The following RAE1 variants were observed in gnomAD, a reference collection of about 807,000 sequenced individuals.
RAE1 encodes the protein mRNA export factor RAE1.
RAE1 carries 13 observed loss-of-function variants against 52.7 expected under a neutral mutation model. That is an observed-to-expected ratio of 0.25 (90% confidence interval 0.16 to 0.39). The LOEUF (loss-of-function observed/expected upper bound fraction) is 0.39, where lower values mean the gene tolerates loss of function less well. RAE1 is among the 10% of genes least tolerant of loss of function. The pLI, the probability that RAE1 is intolerant of heterozygous loss-of-function variation, is 1.00. For missense variants in RAE1, 262 were observed against 459.8 expected (o/e 0.57, Z 3.93); for synonymous variants, 164 against 153.1 (o/e 1.07, Z -0.52).
chr20:57,361,987 AG>A (rs907678154), intron 4 of RAE1, among the ~76,000 whole-genome samples: 2 of 152,194 alleles, frequency 1.3e-5, no homozygotes, highest in African/African-American at 4.8e-5. Flanking sequence ...AGATTGTCAC[AG>A]GAGCTCGAAC....
At chr20:57,366,520 A>G (rs909520488) in intron 5 of RAE1, among the ~76,000 whole-genome samples, 3 of 152,134 alleles carry the variant, frequency 2.0e-5, no homozygotes, top group South Asian at 2.1e-4. Flanking sequence ...AGAACTCACT[A>G]TTGTGAGGAC....
Position 57,351,405 on chromosome 20 carries a change from C to T in RAE1, c.-25C>T, listed in dbSNP as rs992475098. 5.2e-5 allele frequency: 51 copies of T among 985,416 alleles called. No individual in the cohort carries two copies. Among genetic ancestry groups the T allele is most frequent in the South Asian group, 9.4e-5 (2 of 21,300 alleles). The allele number at this position is 985,416 out of a possible 1,614,324, so 61.0% of individuals were successfully genotyped here. Reference sequence around the variant, plus strand: ...TTCTGCTCCCGGCCGCCGCTTTCCGCCGGGGCGAGACCCCCAGGTAGGCCC... The same window carrying T: ...TTCTGCTCCCGGCCGCCGCTTTCCGTCGGGGCGAGACCCCCAGGTAGGCCC... On this transcript the variant is annotated 5_prime_UTR_variant, in exon 1 of 12. Transcript: ENST00000395841.
At chr20:57,353,951 T>C (rs1288389846) in intron 1 of RAE1, 81 bp from the exon 2 acceptor site, 1 of 1,256,142 alleles carries the variant, frequency 8.0e-7, no homozygotes, top group Non-Finnish European at 1.1e-6. Context: ...GTATTTCTCT[T>C]CTGCCAGTTA....
At chr20:57,370,183 A>T (rs912541945) in intron 8 of RAE1, among the ~76,000 whole-genome samples, 9 of 151,218 alleles carry the variant, frequency 6.0e-5, no homozygotes, top group Admixed American at 1.3e-4. Flanking sequence ...CTCACCTCCC[A>T]CTCATTTCTA....
intron 11 of RAE1, chr20:57,375,115 C>A (rs1287550696): frequency 1.8e-5 from 12 of 661,888 alleles, no homozygotes; most frequent in African/African-American, 1.6e-4. Context: ...CAGGGCGGGT[C>A]ATGGAGCTTT....
intron 4 of RAE1, chr20:57,359,158 G>T: frequency 1.7e-6 from 1 of 596,568 alleles, no homozygotes; most frequent in Non-Finnish European, 2.5e-6. Flanking sequence ...TAATGCTAGA[G>T]GTGATGTTTT....
At chr20:57,351,471 C>T (rs1478367857) in intron 1 of RAE1, 49 bp downstream of exon 1, 1 of 985,468 alleles carries the variant, frequency 1.0e-6, no homozygotes, top group Non-Finnish European at 1.2e-6. Flanking sequence ...GCCATGGCTC[C>T]CGCAGAGGCC....
intron 4 of RAE1, among the ~76,000 whole-genome samples, chr20:57,364,071 GA>G (rs751397393): frequency 6.6e-5 from 10 of 152,206 alleles, no homozygotes; most frequent in Non-Finnish European, 8.8e-5. Context: ...AGCTACCCGG[GA>G]GAGAAAGACA....
Position 57,368,754 on chromosome 20 carries a change from A to G in RAE1, c.584A>G (p.Tyr195Cys). 2 of 1,613,852 alleles carry G rather than the reference A, an allele frequency of 1.2e-6. No homozygotes were observed. The highest frequency in any genetic ancestry group is 1.7e-6 in the Non-Finnish European group (2 of 1,179,940). The change falls in exon 8 of 12, where the codon TAT (tyrosine) becomes TGT (cysteine). Residue 195 changes from tyrosine to cysteine, a missense_variant. By Grantham distance (194) the Tyr-to-Cys change is radical. Transcript: ENST00000395841. ...VATAERGLIV[Y>C]QLENQPSEFR... ...ACTGCAGAGAGGGGCCTGATTGTCT[A>G]TCAGCTAGAGAATCAACCTTCTGAA...
intron 4 of RAE1, chr20:57,358,426 G>T (rs187579444): frequency 6.6e-6 from 1 of 152,380 alleles, no homozygotes; most frequent in Admixed American, 6.5e-5. Context: ...TTATGCAATC[G>T]CTGGGCTCTG....
chr20:57,365,621 T>C (rs1440784317), intron 5 of RAE1, among the ~76,000 whole-genome samples, 179 bp downstream of exon 5: 1 of 152,222 alleles, frequency 6.6e-6, no homozygotes, highest in Non-Finnish European at 1.5e-5. Flanking sequence ...ATAACCATTC[T>C]CATTCTTAAC....
At chr20:57,364,158 A>G (rs373149956) in intron 4 of RAE1, among the ~76,000 whole-genome samples, 2 of 152,236 alleles carry the variant, frequency 1.3e-5, no homozygotes, top group South Asian at 4.1e-4. Flanking sequence ...GTAAAGTTGA[A>G]TCTTCAGTAC....
intron 1 of RAE1, chr20:57,351,772 G>A: frequency 1.0e-6 from 1 of 985,494 alleles, no homozygotes; most frequent in Non-Finnish European, 1.2e-6. Flanking sequence ...GCAGAAGGGC[G>A]TCCCCTTTTA....
At chr20:57,366,364 G>T (rs1313092819) in intron 5 of RAE1, among the ~76,000 whole-genome samples, 6 of 152,182 alleles carry the variant, frequency 3.9e-5, no homozygotes, top group Admixed American at 3.3e-4. Context: ...TGTTCTGCAG[G>T]TTGTATGAGT....
chr20:57,352,530 C>T (rs1487464866), intron 1 of RAE1, among the ~76,000 whole-genome samples: 1 of 152,196 alleles, frequency 6.6e-6, no homozygotes, highest in Non-Finnish European at 1.5e-5. Context: ...TTGGAAGCTT[C>T]CCAGTGCTCA....
chr20:57,370,168 A>G (rs1341462815), intron 8 of RAE1, among the ~76,000 whole-genome samples: 1 of 151,904 alleles, frequency 6.6e-6, no homozygotes, highest in African/African-American at 2.4e-5. Context: ...AATGTCCTTT[A>G]TTCCCTCACC....
intron 10 of RAE1, 107 bp downstream of exon 10, chr20:57,373,845 G>C: frequency 2.6e-6 from 3 of 1,170,160 alleles, no homozygotes; most frequent in Non-Finnish European, 3.8e-6. Flanking sequence ...GAGCTTGTGT[G>C]TTCATGTCCG....
chr20:57,358,621 G>A (rs2066836104), intron 4 of RAE1: 1 of 171,978 alleles, frequency 5.8e-6, no homozygotes, highest in African/African-American at 2.4e-5. Context: ...AGATCACATA[G>A]GACTTTAATC....
intron 5 of RAE1, 84 bp from the exon 6 acceptor site, chr20:57,366,723 C>T (rs2066959709): frequency 7.7e-7 from 1 of 1,298,238 alleles, no homozygotes; most frequent in Non-Finnish European, 1.1e-6. Flanking sequence ...AAATTAGTTT[C>T]TTCCCTTTGA....
Sources: gnomAD v4.1 joint callset for allele counts (sites outside exome capture counted in the v4.1 genomes callset) on GRCh38, gnomAD v4.1.1 for gene constraint, MANE v1.5 for transcripts, NCBI Gene and HGNC (gene_info 2026-07-23, HGNC 2026-07-21) for gene names.